Variants in SZT2 observed in about 807,000 individuals in gnomAD.
The protein encoded by SZT2 is SZT2 subunit of KICSTOR complex.
SZT2 carries 216 observed loss-of-function variants against 404.2 expected under a neutral mutation model. The observed-to-expected ratio is 0.53, with a 90% CI of 0.48 to 0.60. The LOEUF (loss-of-function observed/expected upper bound fraction) is 0.60, where lower values mean the gene tolerates loss of function less well. Ranked by LOEUF, SZT2 falls within the 20% of genes least tolerant of loss-of-function variation. SZT2 has a pLI of 0.00. For missense variants in SZT2, 3,857 were observed against 4,459.2 expected (o/e 0.86, Z 3.85); for synonymous variants, 1,693 against 1,749.9 (o/e 0.97, Z 0.81).
Position 43,451,083 on chromosome 1 carries a change from G to A in SZT2, c.*603G>A, listed in dbSNP as rs1301318013. On this transcript the variant is annotated 3_prime_UTR_variant, in exon 72 of 72. Coordinates refer to ENST00000634258, the MANE Select transcript of SZT2 (RefSeq NM_001365999.1). The stretch of plus-strand genomic sequence containing the variant: ...AACCCTGGCACTGGCTTCTCAATGG[G>A]AGGGAAGCAGCAGAGAAACTGAAGT... 1.2e-6 allele frequency: 1 copy of A among 836,328 alleles called. No individual in the cohort carries two copies. The highest frequency in any genetic ancestry group is 2.1e-6 in the Non-Finnish European group (1 of 485,164). The allele number at this position is 836,328 out of a possible 1,614,324, so 51.8% of individuals were successfully genotyped here.
rs1391527748 is a variant in SZT2 at position 43,403,755 on chromosome 1, G to A, written c.308G>A (p.Ser103Asn). 3 of 1,614,122 alleles carry A rather than the reference G, an allele frequency of 1.9e-6. No individual in the cohort carries two copies. The highest frequency in any genetic ancestry group is 1.7e-5 in the Admixed American group (1 of 60,022). ...CGGTTTGTCATTGAGTTGGACCTTA[G>A]CCCATCTACTGGCATTGTGGTAAAG... ...QYRFVIELDL[S>N]PSTGIVDDST... Residue 103 changes from serine (S) to asparagine (N), a missense_variant, in exon 3 of 72, where the codon AGC becomes AAC. Ser to Asn is a conservative substitution (Grantham distance 46). Around this residue, in one of 7 missense-constraint regions of SZT2, gnomAD observed 536 missense variants for 637.4 expected, o/e 0.84. Transcript: ENST00000634258.
rs1349724483 is a variant in SZT2, at chr1:43,429,852, G to A, written c.4308+8G>A. 1 of 1,613,974 alleles carries A rather than the reference G, an allele frequency of 6.2e-7. No homozygotes were observed. The highest frequency in any genetic ancestry group is 8.5e-7 in the Non-Finnish European group (1 of 1,180,054). On this transcript the variant is annotated splice_region_variant and intron_variant, in intron 29 of 71. Coordinates refer to ENST00000634258, the MANE Select transcript of SZT2 (RefSeq NM_001365999.1). Reference sequence around the variant, plus strand: ...CTTCATAGCGTCATCCAGGTGGGAAGCTTGGGTGAGGGTAGAAGAGGTGTT... The same window carrying A: ...CTTCATAGCGTCATCCAGGTGGGAAACTTGGGTGAGGGTAGAAGAGGTGTT...
At position 43,453,368 on chromosome 1, in the gene SZT2, T is replaced by C. The variant is rs1399234463; in HGVS notation, c.*2888T>C. 1 of 910,304 alleles carries C rather than the reference T, an allele frequency of 1.1e-6. No individual in the cohort carries two copies. Among genetic ancestry groups the C allele is most frequent in the Non-Finnish European group, 1.4e-6 (1 of 721,396 alleles). 56.4% of individuals were successfully genotyped at this position (910,304 alleles called of 1,614,324 possible). On this transcript the variant is annotated 3_prime_UTR_variant, in exon 72 of 72. Coordinates refer to ENST00000634258, the MANE Select transcript of SZT2 (RefSeq NM_001365999.1). ...GGGTCATGGGTCACAGGGGTGGGGG[T>C]GGGGTGGAGCGGGGTACCTGGGACA...
intron 7 of SZT2, among the ~76,000 whole-genome samples, chr1:43,417,421 A>G (rs1247556647): frequency 6.6e-6 from 1 of 152,218 alleles, no homozygotes; most frequent in African/African-American, 2.4e-5. Flanking sequence ...AGCAAAAGGA[A>G]GAGAAGCAGT....
chr1:43,445,901 C>T lies in SZT2; in HGVS notation c.8833C>T (p.Arg2945Trp), dbSNP rs2153936507. The T allele has an allele frequency of 1.9e-6, 3 of 1,614,220 alleles. No individual in the cohort carries two copies. The highest frequency in any genetic ancestry group is 2.5e-6 in the Non-Finnish European group (3 of 1,180,028). ...CCTCCTCCTTTTCTATAGCACCAGCCGGCCACGGGCCATGGCTATCCTTGG... is the reference window on the plus strand; with the variant it reads ...CCTCCTCCTTTTCTATAGCACCAGCTGGCCACGGGCCATGGCTATCCTTGG... ...RPPSPARSTS[R>W]PRAMAILGTE... The change falls in exon 63 of 72, where the codon CGG becomes TGG. Residue 2945 changes from arginine to tryptophan, a missense_variant. Physicochemically the swap from Arg to Trp is moderately radical, Grantham distance 101. Around this residue, in one of 7 missense-constraint regions of SZT2, gnomAD observed 717 missense variants for 868.2 expected, o/e 0.83. Coordinates refer to ENST00000634258, the MANE Select transcript of SZT2 (RefSeq NM_001365999.1).
chr1:43,427,031 T>C (rs1557557694), intron 23 of SZT2, 25 bp from the exon 24 acceptor site: 4 of 1,613,776 alleles, frequency 2.5e-6, no homozygotes, highest in Non-Finnish European at 3.4e-6. Context: ...TATAGATTGC[T>C]CTAATTTCTG....
intron 42 of SZT2, chr1:43,436,494 T>G (rs1654471481): frequency 6.6e-6 from 1 of 152,318 alleles, no homozygotes; most frequent in Non-Finnish European, 1.5e-5. Context: ...CCTGAAACCC[T>G]TAGCAACCAG....
intron 38 of SZT2, 30 bp downstream of exon 38, chr1:43,432,634 G>C (rs770792899): frequency 6.2e-7 from 1 of 1,613,526 alleles, no homozygotes; most frequent in South Asian, 1.1e-5. Flanking sequence ...GCAGTCTGGA[G>C]GCCAGGACCA....
At chr1:43,410,909 G>T (rs981285646) in intron 4 of SZT2, among the ~76,000 whole-genome samples, 9 of 151,900 alleles carry the variant, frequency 5.9e-5, no homozygotes, top group Admixed American at 2.0e-4. Context: ...TTGGGGGTTG[G>T]GGGGGGATCT....
At chr1:43,433,496 A>C (rs866265720) in intron 40 of SZT2, among the ~76,000 whole-genome samples, 18 of 152,202 alleles carry the variant, frequency 1.2e-4, no homozygotes, top group African/African-American at 3.9e-4. Flanking sequence ...ATAAAGCATA[A>C]TAAGGCTGGG....
chr1:43,441,118 T>G lies in SZT2; in HGVS notation c.7345-96T>G, dbSNP rs192877577. On this transcript the variant is annotated intron_variant, in intron 52 of 71. Transcript: ENST00000634258. The surrounding 1 kb of genome is among the most constrained non-coding windows in gnomAD (Gnocchi z 4.8). ...GGAAGCCAGGGTCTGAACCCAGACC[T>G]CTGAATCCTCCTAGCTCACTGCTGT... 9.4e-5 allele frequency: 139 copies of G among 1,484,568 alleles called. No individual in the cohort carries two copies. In the Admixed American group the frequency reaches 2.8e-3, roughly 30 times the overall value. 92.0% of individuals were successfully genotyped at this position (1,484,568 alleles called of 1,614,324 possible).
intron 4 of SZT2, among the ~76,000 whole-genome samples, chr1:43,408,515 C>T (rs1326950239): frequency 6.6e-6 from 1 of 152,182 alleles, no homozygotes; most frequent in Non-Finnish European, 1.5e-5. Flanking sequence ...ATCCTCCCAC[C>T]TCAGCCTCCC....
Position 43,391,191 on chromosome 1 carries a change from G to GTA in SZT2, c.27+1197_27+1198dup, listed in dbSNP as rs539597621. Among the ~76,000 whole-genome samples, 202 of 152,264 alleles carry GTA rather than the reference G, an allele frequency of 1.3e-3. No homozygotes were observed. The East Asian group carries it at 0.026, about 19-fold the overall frequency. On this transcript the variant is annotated intron_variant, in intron 1 of 71. Transcript: ENST00000634258. Reference sequence around the variant, plus strand: ...TAGCCAAGCATGGTGGCGCAGGCCTGTAATCTCAGCTACTCGGGAGGCTGA... The same window carrying GTA: ...TAGCCAAGCATGGTGGCGCAGGCCTGTATAATCTCAGCTACTCGGGAGGCTGA...
At position 43,452,227 on chromosome 1, in the gene SZT2, T is replaced by A. The variant is rs1197633924; in HGVS notation, c.*1747T>A. ...CACCTGAGCCAAAACCCCAGCTGCA[T>A]GCCTCAGGTTCTCCAGAAAAACGGC... On this transcript the variant is annotated 3_prime_UTR_variant, in exon 72 of 72. Transcript: ENST00000634258. 3.1e-6 allele frequency: 5 copies of A among 1,613,710 alleles called. No homozygotes were observed. In the South Asian group the frequency reaches 5.5e-5, roughly 18 times the overall value.
Position 43,433,103 on chromosome 1 carries a change from T to C in SZT2, c.5717T>C (p.Leu1906Pro), listed in dbSNP as rs770456714. 3 of 1,614,128 alleles carry C rather than the reference T, an allele frequency of 1.9e-6. No individual in the cohort carries two copies. The highest frequency in any genetic ancestry group is 2.5e-6 in the Non-Finnish European group (3 of 1,180,020). Reference sequence around the variant, plus strand: ...GGGCCAGCACCTCCACAGCCTTCACTCTCAGGCCTCCCTGGGCCCTGCCTG... The same window carrying C: ...GGGCCAGCACCTCCACAGCCTTCACCCTCAGGCCTCCCTGGGCCCTGCCTG... ...PPGPAPPQPS[L>P]SGLPGPCLPD... Residue 1906 changes from leucine to proline, a missense_variant, in exon 40 of 72, where the codon CTC (leucine) becomes CCC (proline). Coordinates refer to ENST00000634258, the MANE Select transcript of SZT2 (RefSeq NM_001365999.1).
chr1:43,453,319 C>G lies in SZT2; in HGVS notation c.*2839C>G, dbSNP rs1656642864. The G allele has an allele frequency of 9.4e-7, 1 of 1,065,806 alleles. No individual in the cohort carries two copies. The highest frequency in any genetic ancestry group is 1.6e-5 in the African/African-American group (1 of 63,092). 66.0% of individuals were successfully genotyped at this position (1,065,806 alleles called of 1,614,324 possible). A position where few individuals can be genotyped will look rare whatever the true frequency, so the allele number is the denominator to read the frequency against. On this transcript the variant is annotated 3_prime_UTR_variant, in exon 72 of 72. Transcript: ENST00000634258. Reference sequence around the variant, plus strand: ...CTTCTGAGCGTCTCAGATCTGGCGTCCTCGACTCCCTGAACCTGCATCAGG... The same window carrying G: ...CTTCTGAGCGTCTCAGATCTGGCGTGCTCGACTCCCTGAACCTGCATCAGG...
intron 3 of SZT2, 122 bp downstream of exon 3, chr1:43,403,896 A>G (rs544146756): frequency 1.9e-5 from 21 of 1,124,260 alleles, no homozygotes; most frequent in Non-Finnish European, 2.7e-5. Flanking sequence ...ACAGGCTTAT[A>G]AAGGAATGAT....
At position 43,425,012 on chromosome 1, in the gene SZT2, A is replaced by G; in HGVS notation, c.2551-101A>G. 5 of 1,545,102 alleles carry G rather than the reference A, an allele frequency of 3.2e-6. No homozygotes were observed. The highest frequency in any genetic ancestry group is 4.5e-6 in the Non-Finnish European group (5 of 1,120,080). ...CAAGGTCTGAGGCTGCAGTCATAGG[A>G]CAATTTGGTGAGGGAACTGAAATTC... On this transcript the variant is annotated intron_variant, in intron 17 of 71. Transcript: ENST00000634258. This position sits in a 1 kb window ranked among gnomAD's most constrained non-coding sequence, Gnocchi z 4.3.
At position 43,428,393 on chromosome 1, in the gene SZT2, C is replaced by G; in HGVS notation, c.4073C>G (p.Pro1358Arg). ...GHTWGLPHAP[P>R]SPGPLSPGPF... ...ACTTGGGGTTTGCCTCATGCACCCC[C>G]AAGTCCTGGTCCTCTCAGCCCTGGG... The change falls in exon 28 of 72, where the codon CCA becomes CGA. Residue 1358 changes from proline (P) to arginine (R), a missense_variant. Pro to Arg is a moderately radical substitution (Grantham distance 103, BLOSUM62 -2). This residue lies in a region of SZT2 where 1,725 missense variants were observed against 1,881.0 expected (regional missense o/e 0.92). Transcript: ENST00000634258. 3.7e-6 allele frequency: 6 copies of G among 1,614,168 alleles called. No individual in the cohort carries two copies. Among genetic ancestry groups the G allele is most frequent in the Non-Finnish European group, 5.1e-6 (6 of 1,180,010 alleles).
Sources: allele counts gnomAD v4.1 joint callset (sites outside exome capture counted in the v4.1 genomes callset), GRCh38; gene constraint gnomAD v4.1.1; regional missense constraint gnomAD v4.1.1; non-coding constraint Gnocchi (gnomAD v3.1); transcripts MANE v1.5; gene names NCBI Gene and HGNC (gene_info 2026-07-23, HGNC 2026-07-21).